Variants in GAK observed in about 807,000 individuals in gnomAD.
GAK encodes cyclin G associated kinase, also known as cyclin-G-associated kinase.
Under a neutral mutation model 143.9 loss-of-function variants are expected in GAK, and 79 were observed. The ratio of observed to expected loss-of-function variants is 0.55; its 90% CI spans 0.46 to 0.66. The LOEUF is 0.66. Ranked by LOEUF, GAK falls within the 30% of genes least tolerant of loss-of-function variation. The probability of loss-of-function intolerance (pLI) is 0.00; values close to 1 mark genes in which losing one functional copy is unlikely to be tolerated. For synonymous variants in GAK, 881 were observed against 765.5 expected, an observed-to-expected ratio of 1.15 and a Z score of -2.49; for missense variants, 1,693 against 1,779.7, an observed-to-expected ratio of 0.95 and a Z score of 0.88.
intron 7 of GAK, among the ~76,000 whole-genome samples, chr4:896,201 C>A (rs941105493): frequency 1.3e-5 from 2 of 152,146 alleles, no homozygotes; most frequent in Admixed American, 1.3e-4. Context: ...GGGCGGGAGG[C>A]TGCGGTGAGC....
intron 1 of GAK, among the ~76,000 whole-genome samples, chr4:914,836 C>G (rs1377177617): frequency 1.5e-5 from 2 of 137,628 alleles, no homozygotes; most frequent in African/African-American, 5.6e-5. Context: ...TACACGGCCC[C>G]CAACACAGAT....
At chr4:882,208 A>G (rs1159013690) in intron 14 of GAK, among the ~76,000 whole-genome samples, 168 bp from the exon 15 acceptor site, 1 of 152,236 alleles carries the variant, frequency 6.6e-6, no homozygotes, top group Non-Finnish European at 1.5e-5. Context: ...CGAGGCAAGA[A>G]TGGAGCCCAA....
intron 24 of GAK, among the ~76,000 whole-genome samples, chr4:854,235 C>CACAA (rs775304539): frequency 1.3e-5 from 2 of 151,736 alleles, no homozygotes; most frequent in Non-Finnish European, 2.9e-5. Context: ...ACAAAGGTCT[C>CACAA]TGGTTTTCGT....
In GAK at chr4:871,041, AC is replaced by A. The variant is rs1172940248; in HGVS notation, c.2055-138del. On this transcript the variant is annotated intron_variant, in intron 18 of 27. Transcript: ENST00000314167. Reference sequence around the variant, plus strand: ...GCGAGAACAACCAGGGCAGCCGGCCACCCCCGCCTGCGGAAGCTGGAGCCCT... The same window carrying A: ...GCGAGAACAACCAGGGCAGCCGGCCACCCCGCCTGCGGAAGCTGGAGCCCT... The A allele has an allele frequency of 4.2e-6, 3 of 722,354 alleles. No individual in the cohort carries two copies. The Admixed American group carries it at 9.7e-5, about 23-fold the overall frequency. 44.7% of individuals were successfully genotyped at this position (722,354 alleles called of 1,614,324 possible). A position where few individuals can be genotyped will look rare whatever the true frequency, so the allele number is the denominator to read the frequency against.
At chr4:863,057 C>T (rs1456615333) in intron 23 of GAK, among the ~76,000 whole-genome samples, 1 of 152,242 alleles carries the variant, frequency 6.6e-6, no homozygotes, top group Non-Finnish European at 1.5e-5. Flanking sequence ...GGAAAGGATT[C>T]ACCATTCTAG....
At chr4:902,496 G>C (rs1255381921) in intron 5 of GAK, among the ~76,000 whole-genome samples, 2 of 150,802 alleles carry the variant, frequency 1.3e-5, no homozygotes, top group Non-Finnish European at 2.9e-5. Flanking sequence ...CAGCTACTCA[G>C]GAGGCTCAGG....
At chr4:897,926 T>C (rs1719117844) in intron 6 of GAK, 107 bp downstream of exon 6, 12 of 1,307,572 alleles carry the variant, frequency 9.2e-6, no homozygotes, top group Non-Finnish European at 1.1e-5. Flanking sequence ...TCCAGCCTGG[T>C]GACAGAGCGA....
In GAK at chr4:870,771, G is replaced by A. The variant is rs762256941; in HGVS notation, c.2188C>T (p.Leu730=). 4.3e-6 allele frequency: 7 copies of A among 1,614,032 alleles called. No individual in the cohort carries two copies. Among genetic ancestry groups the A allele is most frequent in the Non-Finnish European group, 5.1e-6 (6 of 1,179,976 alleles). ...PPWENSSMRG[L]NPKILFSSRE... Reference sequence around the variant, plus strand: ...CTGGAAAACAGGATTTTGGGGTTCAGCCCCCTCATGCTCGAGTTCTCCCAT... The same window carrying A: ...CTGGAAAACAGGATTTTGGGGTTCAACCCCCTCATGCTCGAGTTCTCCCAT... The change falls in exon 19 of 28, where the codon CTG becomes TTG. Residue 730 remains leucine (L), a synonymous_variant. Transcript: ENST00000314167.
In GAK at chr4:867,326, G is replaced by C; in HGVS notation, c.2502C>G (p.Ser834=). 6.2e-7 allele frequency: 1 copy of C among 1,610,514 alleles called. No homozygotes were observed. Among genetic ancestry groups the C allele is most frequent in the Non-Finnish European group, 8.5e-7 (1 of 1,177,966 alleles). ...DESEVSDEGG[S]PISSEGQEPR... is the part of the protein sequence containing the mutation. The stretch of plus-strand genomic sequence containing the variant: ...GTTCCTGGCCCTCGCTGGAGATCGG[G>C]GATCCCCCTTCATCTGACACCTCAC... Residue 834 remains serine, a synonymous_variant, in exon 21 of 28, where the codon TCC becomes TCG. Coordinates refer to ENST00000314167, the MANE Select transcript of GAK (RefSeq NM_005255.4).
Position 902,596 on chromosome 4 carries a change from C to CAAAAAAAAAAAAAAAAAAAA in GAK, c.525+2040_525+2041insTTTTTTTTTTTTTTTTTTTT, listed in dbSNP as rs768017849. 2.7e-3 allele frequency among the ~76,000 whole-genome samples: 164 copies of CAAAAAAAAAAAAAAAAAAAA among 60,698 alleles called. 19 individuals are homozygous for CAAAAAAAAAAAAAAAAAAAA. Among genetic ancestry groups the CAAAAAAAAAAAAAAAAAAAA allele is most frequent in the African/African-American group, 0.012 (147 of 12,162 alleles). The allele number at this position is 60,698 out of a possible 152,430, so 39.8% of individuals were successfully genotyped here. A position where few individuals can be genotyped will look rare whatever the true frequency, so the allele number is the denominator to read the frequency against. On this transcript the variant is annotated intron_variant, in intron 5 of 27. Transcript: ENST00000314167. ...AGCCTGGGCTGTAGAGTGACTGACT[C>CAAAAAAAAAAAAAAAAAAAA]AAAAAAAAAAAAAAAAAACCCCAAA...
rs539749160 is a variant in GAK at position 898,286 on chromosome 4, C to T, written c.526-128G>A. 3,482 of 1,066,102 alleles carry T rather than the reference C, an allele frequency of 3.3e-3. 141 individuals carry two copies. The South Asian group carries it at 0.049, about 15-fold the overall frequency. 66.0% of individuals were successfully genotyped at this position (1,066,102 alleles called of 1,614,324 possible). A position where few individuals can be genotyped will look rare whatever the true frequency, so the allele number is the denominator to read the frequency against. ...AGCACTCGCCCAGGGCCACGGCTGCCGGGTGCCTGCAGCACCTCACACCTG... is the reference window on the plus strand; with the variant it reads ...AGCACTCGCCCAGGGCCACGGCTGCTGGGTGCCTGCAGCACCTCACACCTG... On this transcript the variant is annotated intron_variant, in intron 5 of 27. Transcript: ENST00000314167.
chr4:899,468 G>A (rs930328970), intron 5 of GAK, among the ~76,000 whole-genome samples: 17 of 151,454 alleles, frequency 1.1e-4, no homozygotes, highest in Non-Finnish European at 1.8e-4. Context: ...CACCAGCCAC[G>A]GACGGAAGGT....
chr4:881,872 G>T, intron 15 of GAK, 35 bp downstream of exon 15: 5 of 1,543,624 alleles, frequency 3.2e-6, no homozygotes, highest in Non-Finnish European at 1.8e-6. Context: ...CGGGCCCACA[G>T]AGCTGTCCCC....
intron 19 of GAK, among the ~76,000 whole-genome samples, 183 bp downstream of exon 19, chr4:870,528 G>C (rs1283607933): frequency 2.0e-5 from 3 of 152,230 alleles, no homozygotes; most frequent in Non-Finnish European, 4.4e-5. Flanking sequence ...CTCTGGTGTA[G>C]CTGGTGGTGG....
chr4:857,750 C>T (rs920768802), intron 24 of GAK, among the ~76,000 whole-genome samples: 1 of 152,196 alleles, frequency 6.6e-6, no homozygotes, highest in African/African-American at 2.4e-5. Flanking sequence ...TTCCACTGCA[C>T]TGCCCGTGGC....
intron 24 of GAK, among the ~76,000 whole-genome samples, chr4:857,262 A>G (rs1749449264): frequency 1.3e-5 from 2 of 152,148 alleles, no homozygotes; most frequent in African/African-American, 2.4e-5. Context: ...CATGGGGAAT[A>G]TAGTCCCAGT....
intron 21 of GAK, 131 bp from the exon 22 acceptor site, chr4:866,665 G>A: frequency 1.0e-6 from 1 of 974,894 alleles, no homozygotes; most frequent in Non-Finnish European, 1.5e-6. Context: ...TGCCCTCGCA[G>A]GGGCACTGAG....
intron 14 of GAK, 152 bp from the exon 15 acceptor site, chr4:882,192 G>A (rs1715273348): frequency 1.2e-6 from 1 of 866,362 alleles, no homozygotes; most frequent in East Asian, 2.7e-5. Flanking sequence ...TACATAACGT[G>A]CCTGCCGAGG....
intron 1 of GAK, among the ~76,000 whole-genome samples, chr4:930,757 G>C (rs1371510494): frequency 6.6e-6 from 1 of 152,154 alleles, no homozygotes; most frequent in Non-Finnish European, 1.5e-5. Flanking sequence ...TGAAAGAAGA[G>C]CTTAGACTTT....
Sources: gnomAD v4.1 joint callset for allele counts (sites outside exome capture counted in the v4.1 genomes callset) on GRCh38, gnomAD v4.1.1 for gene constraint, MANE v1.5 for transcripts, NCBI Gene and HGNC (gene_info 2026-07-23, HGNC 2026-07-21) for gene names.